Variants in MYO10 observed in about 807,000 individuals in gnomAD.
MYO10 encodes the protein myosin X.
In MYO10, 133 loss-of-function variants were observed where a neutral mutation model predicts 257.3. The observed-to-expected ratio is 0.52, with a 90% CI of 0.45 to 0.60. The LOEUF (loss-of-function observed/expected upper bound fraction) is 0.60. MYO10 is among the 20% of genes least tolerant of loss of function. The probability of loss-of-function intolerance (pLI) is 0.00; values close to 1 mark genes in which losing one functional copy is unlikely to be tolerated. For missense variants in MYO10, 2,399 were observed against 2,635.7 expected, an observed-to-expected ratio of 0.91 and a Z score of 1.97; for synonymous variants, 1,104 against 1,028.6, an observed-to-expected ratio of 1.07 and a Z score of -1.40.
At chr5:16,778,886 T>G (rs188004985) in intron 9 of MYO10, among the ~76,000 whole-genome samples, 195 of 152,076 alleles carry the variant, frequency 1.3e-3, no homozygotes, top group Middle Eastern at 0.01. Flanking sequence ...GAGACGGGGT[T>G]TCACCGTGTT....
intron 1 of MYO10, among the ~76,000 whole-genome samples, chr5:16,896,730 C>A (rs922691354): frequency 6.6e-6 from 1 of 152,078 alleles, no homozygotes; most frequent in Non-Finnish European, 1.5e-5. Context: ...TCTTAGCAGC[C>A]CCCCCAGGAT....
chr5:16,676,288 G>A, intron 33 of MYO10, 134 bp from the exon 34 acceptor site: 3 of 1,000,686 alleles, frequency 3.0e-6, no homozygotes, highest in South Asian at 1.6e-5. Flanking sequence ...TGGTTTCATG[G>A]ACGAAGATAC....
intron 4 of MYO10, among the ~76,000 whole-genome samples, chr5:16,786,146 C>G (rs1741572324): frequency 6.6e-6 from 1 of 152,072 alleles, no homozygotes; most frequent in African/African-American, 2.4e-5. Context: ...AGAAATAGAC[C>G]ATCCCTGTGT....
chr5:16,902,965 A>T (rs1378331452), intron 1 of MYO10, among the ~76,000 whole-genome samples: 1 of 152,252 alleles, frequency 6.6e-6, no homozygotes, highest in African/African-American at 2.4e-5. Context: ...GGGCTTCTGA[A>T]TCCAGACCAG....
intron 38 of MYO10, 28 bp from the exon 39 acceptor site, chr5:16,671,006 G>A (rs757071628): frequency 1.3e-5 from 20 of 1,573,330 alleles, no homozygotes; most frequent in South Asian, 5.9e-5. Flanking sequence ...ACAGCTTTCC[G>A]GTCAACGCAC....
chr5:16,694,304 T>C, intron 27 of MYO10, 67 bp downstream of exon 27: 2 of 1,600,942 alleles, frequency 1.2e-6, no homozygotes, highest in Non-Finnish European at 1.7e-6. Context: ...TTGCACAGCA[T>C]GGCTCTATGA....
chr5:16,702,628 A>C, intron 23 of MYO10, 40 bp from the exon 24 acceptor site: 1 of 1,532,410 alleles, frequency 6.5e-7, no homozygotes, highest in East Asian at 2.4e-5. Flanking sequence ...AACAACAATA[A>C]CCCTGGAACC....
At chr5:16,840,205 A>C (rs1273302394) in intron 2 of MYO10, among the ~76,000 whole-genome samples, 1 of 152,028 alleles carries the variant, frequency 6.6e-6, no homozygotes, top group African/African-American at 2.4e-5. Context: ...TTGAGGTCAG[A>C]GGTTCGAGAC....
chr5:16,876,121 A>T (rs113391023), intron 2 of MYO10, among the ~76,000 whole-genome samples: 2,482 of 152,254 alleles, frequency 0.016, 67 homozygotes, highest in African/African-American at 0.057. Context: ...TCAGAAAATA[A>T]AAAAATAAAT....
intron 19 of MYO10, among the ~76,000 whole-genome samples, chr5:16,737,418 C>CCCA (rs1268633629): frequency 6.6e-6 from 1 of 152,126 alleles, no homozygotes; most frequent in Non-Finnish European, 1.5e-5. Flanking sequence ...TGATACTAAG[C>CCCA]CCACCACCAC....
intron 9 of MYO10, among the ~76,000 whole-genome samples, chr5:16,770,453 G>A (rs1243819791): frequency 6.6e-6 from 1 of 152,098 alleles, no homozygotes; most frequent in African/African-American, 2.4e-5. Context: ...GTTACCAACA[G>A]TATCTAAACA....
At chr5:16,794,367 C>A (rs1741864761) in intron 4 of MYO10, among the ~76,000 whole-genome samples, 2 of 125,116 alleles carry the variant, frequency 1.6e-5, no homozygotes, top group African/African-American at 3.1e-5. Context: ...ATAATTAAGG[C>A]AAATAAATGT....
chr5:16,843,854 C>T (rs1280603374), intron 2 of MYO10, among the ~76,000 whole-genome samples: 1 of 152,158 alleles, frequency 6.6e-6, no homozygotes, highest in Non-Finnish European at 1.5e-5. Context: ...AGTTCATTAA[C>T]AGCATCAAAA....
intron 1 of MYO10, among the ~76,000 whole-genome samples, chr5:16,932,572 C>G (rs1234272396): frequency 6.6e-6 from 1 of 152,052 alleles, no homozygotes; most frequent in African/African-American, 2.4e-5. Context: ...CAAGCTTCCC[C>G]AAAGCATACA....
intron 1 of MYO10, among the ~76,000 whole-genome samples, chr5:16,895,951 C>T (rs1423788619): frequency 6.6e-6 from 1 of 152,182 alleles, no homozygotes; most frequent in African/African-American, 2.4e-5. Context: ...GGCAGGAGCT[C>T]CCCTGGGAAG....
chr5:16,801,835 T>TA (rs1742129750), intron 3 of MYO10, among the ~76,000 whole-genome samples: 1 of 152,098 alleles, frequency 6.6e-6, no homozygotes, highest in Non-Finnish European at 1.5e-5. Context: ...ATACCATGTA[T>TA]AAAAAATATT....
In MYO10 at chr5:16,834,463, T is replaced by A. The variant is rs76810767; in HGVS notation, c.121-16296A>T. On this transcript the variant is annotated intron_variant, in intron 2 of 40. Coordinates refer to ENST00000513610, the MANE Select transcript of MYO10 (RefSeq NM_012334.3). ...CTCTCACCACCCTCGTATGGATCAA[T>A]CTGTGGGGACCAGGACTTGTCTCAC... Among the ~76,000 whole-genome samples the A allele has an allele frequency of 3.4e-3, 518 of 152,230 alleles. 24 individuals are homozygous for A. The East Asian group carries it at 0.082, about 24-fold the overall frequency.
At chr5:16,894,020 A>G (rs974866438) in intron 1 of MYO10, among the ~76,000 whole-genome samples, 4 of 151,530 alleles carry the variant, frequency 2.6e-5, no homozygotes. Context: ...TCATTTTAGA[A>G]TAGTTTTAGA....
intron 4 of MYO10, among the ~76,000 whole-genome samples, chr5:16,793,383 G>C (rs1741828497): frequency 6.6e-6 from 1 of 152,118 alleles, no homozygotes. Context: ...GGAGTGCAGT[G>C]GTGTGATCTC....
Sources: allele counts gnomAD v4.1 joint callset (sites outside exome capture counted in the v4.1 genomes callset), GRCh38; gene constraint gnomAD v4.1.1; transcripts MANE v1.5; gene names NCBI Gene and HGNC (gene_info 2026-07-23, HGNC 2026-07-21).